ATIC: variants seen among roughly 807,000 people sequenced by gnomAD.
The protein encoded by ATIC is 5-aminoimidazole-4-carboxamide ribonucleotide formyltransferase/IMP cyclohydrolase, also known as bifunctional purine biosynthesis protein ATIC.
ATIC carries 64 observed loss-of-function variants against 72.5 expected under a neutral mutation model. The ratio of observed to expected loss-of-function variants is 0.88; its 90% CI spans 0.72 to 1.09. ATIC has a LOEUF of 1.09. Ranked by LOEUF, ATIC falls within the 50% of genes least tolerant of loss-of-function variation. The pLI is 0.00. For synonymous variants in ATIC, 281 were observed against 267.1 expected (o/e 1.05, Z -0.51); for missense variants, 787 against 732.4 (o/e 1.07, Z -0.86).
At chr2:215,340,916 C>A (rs1449184481) in intron 12 of ATIC, among the ~76,000 whole-genome samples, 1 of 152,158 alleles carries the variant, frequency 6.6e-6, no homozygotes, top group African/African-American at 2.4e-5. Context: ...GGATCTTTGT[C>A]TGTTAGCACT....
At chr2:215,354,388 G>A (rs187455466), downstream of ATIC, among the ~76,000 whole-genome samples, 44 of 152,180 alleles carry the variant, frequency 2.9e-4, no homozygotes, top group Non-Finnish European at 5.1e-4. Flanking sequence ...AGGTGTGGGT[G>A]TTATTTGTAT....
intron 14 of ATIC, 114 bp from the exon 15 acceptor site, chr2:215,348,980 A>G: frequency 4.3e-6 from 4 of 925,038 alleles, no homozygotes; most frequent in Non-Finnish European, 6.2e-6. Flanking sequence ...AATAATAATA[A>G]TAAAAACAAG....
chr2:215,331,433 A>G (rs1575119506), intron 7 of ATIC, among the ~76,000 whole-genome samples: 1 of 132,112 alleles, frequency 7.6e-6, no homozygotes, highest in Admixed American at 9.0e-5. Flanking sequence ...GCCAGGCTGG[A>G]GTGCAGTGGC....
rs1232336081 is a variant in ATIC, at chr2:215,326,091, G to C, written c.484G>C (p.Glu162Gln). 3 of 1,614,136 alleles carry C rather than the reference G, an allele frequency of 1.9e-6. No homozygotes were observed. Among genetic ancestry groups the C allele is most frequent in the East Asian group, 2.2e-5 (1 of 44,876 alleles). The change falls in exon 6 of 16, where the codon GAG becomes CAG. Residue 162 changes from glutamate (E) to glutamine (Q), a missense_variant. Transcript: ENST00000236959. ...VVVSTEMQSSESKDTSLETRR... is the reference protein window; with the variant it reads ...VVVSTEMQSSQSKDTSLETRR... ...GGTGTCCACGGAGATGCAGAGCTCC[G>C]AGAGTAAGGACACCTCCTTGGAGAC... is the stretch of plus-strand genomic sequence containing the variant.
Position 215,325,966 on chromosome 2 carries a change from TA to T in ATIC, c.380-19del. On this transcript the variant is annotated intron_variant, in intron 5 of 15. Transcript: ENST00000236959. ...GCTGATAGGGACATACAAAAATCAA[TA>T]AGTCTTTTGTTCTTCAAAGGTGGAG... 1.9e-6 allele frequency: 3 copies of T among 1,613,678 alleles called. No homozygotes were observed. The highest frequency in any genetic ancestry group is 2.5e-6 in the Non-Finnish European group (3 of 1,179,654).
rs991079183 is a variant in ATIC at position 215,338,823 on chromosome 2, C to G, written c.1143C>G (p.Leu381=). 5.6e-6 allele frequency: 9 copies of G among 1,613,852 alleles called. No homozygotes were observed. The highest frequency in any genetic ancestry group is 7.6e-6 in the Non-Finnish European group (9 of 1,179,884). Residue 381 remains leucine, a synonymous_variant, in exon 12 of 16, where the codon CTC becomes CTG. Transcript: ENST00000236959. ...CAGATGAAAATGAAGTTCGAACTCTCTTTGGTCTTCATTTAAGCCAGAAGA... is the reference window on the plus strand; with the variant it reads ...CAGATGAAAATGAAGTTCGAACTCTGTTTGGTCTTCATTTAAGCCAGAAGA... ...YKPDENEVRT[L]FGLHLSQKRN...
chr2:215,319,993 C>T (rs2052750570), intron 4 of ATIC, among the ~76,000 whole-genome samples: 1 of 152,128 alleles, frequency 6.6e-6, no homozygotes, highest in East Asian at 1.9e-4. Context: ...CCAGAAGTGT[C>T]TTGGATTTCA....
At position 215,312,628 on chromosome 2, in the gene ATIC, A is replaced by G; in HGVS notation, c.146+4A>G. ...GGGATGCTGGTCTGGCAGTCAGGTA[A>G]GGCATAGCTAGTTCCATCAGAAAGG... On this transcript the variant is annotated splice_donor_region_variant and intron_variant, in intron 2 of 15. Coordinates refer to ENST00000236959, the MANE Select transcript of ATIC (RefSeq NM_004044.7). The G allele has an allele frequency of 6.2e-7, 1 of 1,614,184 alleles. No homozygotes were observed. Among genetic ancestry groups the G allele is most frequent in the South Asian group, 1.1e-5 (1 of 91,084 alleles).
Position 215,346,910 on chromosome 2 carries a change from T to C in ATIC, c.1472T>C (p.Ile491Thr), listed in dbSNP as rs770416487. ...AAGAGAGCAGAAATCTCCAATGCCATCGATCAATATGTGACTGGAACCATT... is the reference window on the plus strand; with the variant it reads ...AAGAGAGCAGAAATCTCCAATGCCACCGATCAATATGTGACTGGAACCATT... ...GVKRAEISNA[I>T]DQYVTGTIGE... The change falls in exon 14 of 16, where the codon ATC becomes ACC. Residue 491 changes from isoleucine (I) to threonine (T), a missense_variant. Physicochemically the swap from Ile to Thr is moderately conservative, Grantham distance 89. Coordinates refer to ENST00000236959, the MANE Select transcript of ATIC (RefSeq NM_004044.7). 6.2e-7 allele frequency: 1 copy of C among 1,614,214 alleles called. No individual in the cohort carries two copies. Among genetic ancestry groups the C allele is most frequent in the African/African-American group, 1.3e-5 (1 of 75,068 alleles).
chr2:215,339,885 C>T (rs939413789), intron 12 of ATIC, among the ~76,000 whole-genome samples: 73 of 152,244 alleles, frequency 4.8e-4, no homozygotes, highest in African/African-American at 1.7e-3. Flanking sequence ...ATCTGCCCAC[C>T]TCAGCCTCCC....
At position 215,312,174 on chromosome 2, in the gene ATIC, C is replaced by G. The variant is rs2052658859; in HGVS notation, c.19+13C>G. 4.0e-6 allele frequency: 6 copies of G among 1,503,398 alleles called. No homozygotes were observed. Among genetic ancestry groups the G allele is most frequent in the Middle Eastern group, 4.6e-4 (2 of 4,322 alleles). The allele number at this position is 1,503,398 out of a possible 1,614,324, so 93.1% of individuals were successfully genotyped here. ...CCCGGCCAGCTCGGTGAGGCCCTAG[C>G]GGAGCGGCGCGGTCTGCGTCCTCGC... On this transcript the variant is annotated intron_variant, in intron 1 of 15. Transcript: ENST00000236959.
At chr2:215,326,676 C>A in intron 6 of ATIC, 146 bp from the exon 7 acceptor site, 2 of 952,054 alleles carry the variant, frequency 2.1e-6, no homozygotes. Flanking sequence ...CAGTGCTTTG[C>A]TGTCATTCAT....
At chr2:215,315,953 T>TTA (rs2052704074) in intron 2 of ATIC, among the ~76,000 whole-genome samples, 1 of 146,394 alleles carries the variant, frequency 6.8e-6, no homozygotes, top group Non-Finnish European at 1.5e-5. Flanking sequence ...AAACACTGTC[T>TTA]CAAAAAAAAA....
chr2:215,314,067 T>G (rs1003984727), intron 2 of ATIC, among the ~76,000 whole-genome samples: 1 of 152,224 alleles, frequency 6.6e-6, no homozygotes, highest in African/African-American at 2.4e-5. Context: ...AATGATCCCT[T>G]GGGTCCTATA....
intron 2 of ATIC, among the ~76,000 whole-genome samples, chr2:215,313,729 C>G (rs1287439348): frequency 6.6e-6 from 1 of 152,144 alleles, no homozygotes; most frequent in African/African-American, 2.4e-5. Flanking sequence ...CACAGCTTCC[C>G]TAAGTTTAAC....
At chr2:215,312,477 A>G (rs764316597) in intron 1 of ATIC, 21 bp from the exon 2 acceptor site, 1 of 1,614,204 alleles carries the variant, frequency 6.2e-7, no homozygotes, top group East Asian at 2.2e-5. Flanking sequence ...GAATCATGAG[A>G]AAAAATGTCT....
intron 6 of ATIC, 87 bp downstream of exon 6, chr2:215,326,225 G>A: frequency 1.3e-6 from 2 of 1,494,236 alleles, no homozygotes; most frequent in Non-Finnish European, 1.9e-6. Flanking sequence ...TTGGTAGATT[G>A]CATTACCTAC....
rs1382338904 is a variant in ATIC at position 215,336,029 on chromosome 2, T to C, written c.1009-6T>C. ...AAATAGAAATTAAAATTTAATATTT[T>C]TGCAGGTATCTGATGGTATAATTGC... On this transcript the variant is annotated splice_polypyrimidine_tract_variant and splice_region_variant and intron_variant, in intron 10 of 15. Coordinates refer to ENST00000236959, the MANE Select transcript of ATIC (RefSeq NM_004044.7). The C allele has an allele frequency of 1.3e-6, 2 of 1,596,404 alleles. No homozygotes were observed. The highest frequency in any genetic ancestry group is 1.7e-6 in the Non-Finnish European group (2 of 1,167,248).
intron 7 of ATIC, 69 bp downstream of exon 7, chr2:215,327,047 T>C: frequency 6.2e-7 from 1 of 1,602,928 alleles, no homozygotes; most frequent in Non-Finnish European, 8.5e-7. Flanking sequence ...GTATTGCATC[T>C]GATGTGGTTC....
Sources: allele counts gnomAD v4.1 joint callset (sites outside exome capture counted in the v4.1 genomes callset), GRCh38; gene constraint gnomAD v4.1.1; transcripts MANE v1.5; gene names NCBI Gene and HGNC (gene_info 2026-07-23, HGNC 2026-07-21).